Variants in NKAIN3 observed in about 807,000 individuals in gnomAD.
NKAIN3 encodes sodium/potassium transporting ATPase interacting 3, also known as sodium/potassium-transporting ATPase subunit beta-1-interacting protein 3.
A neutral mutation model predicts 30.2 loss-of-function variants in NKAIN3; 25 were observed. That is an observed-to-expected ratio of 0.83 (90% CI 0.60 to 1.16). The LOEUF (loss-of-function observed/expected upper bound fraction) is 1.16. Ranked by LOEUF, NKAIN3 falls within the 50% of genes most tolerant of loss-of-function variation. The pLI, the probability that NKAIN3 is intolerant of heterozygous loss-of-function variation, is 0.00. For missense variants in NKAIN3, 225 were observed against 254.1 expected (o/e 0.89, Z 0.78); for synonymous variants, 91 against 89.6 (o/e 1.02, Z -0.09).
intron 4 of NKAIN3, among the ~76,000 whole-genome samples, chr8:62,819,899 C>T (rs540338640): frequency 2.6e-5 from 4 of 151,826 alleles, no homozygotes; most frequent in African/African-American, 7.2e-5. Context: ...TAAAAATAAG[C>T]AAAATATAAA....
chr8:62,931,965 T>C (rs1375817351), intron 5 of NKAIN3, among the ~76,000 whole-genome samples: 1 of 152,238 alleles, frequency 6.6e-6, no homozygotes, highest in Non-Finnish European at 1.5e-5. Flanking sequence ...AAATGTTTGA[T>C]TGGCTGTATT....
chr8:62,950,801 G>T (rs927467985), intron 5 of NKAIN3, among the ~76,000 whole-genome samples: 2 of 151,998 alleles, frequency 1.3e-5, no homozygotes, highest in African/African-American at 4.8e-5. Flanking sequence ...TTTAGACTTT[G>T]TCCTACATTT....
At chr8:62,861,789 G>C (rs1166826497) in intron 4 of NKAIN3, among the ~76,000 whole-genome samples, 1 of 152,150 alleles carries the variant, frequency 6.6e-6, no homozygotes, top group African/African-American at 2.4e-5. Flanking sequence ...TTTCCTCCTT[G>C]TCAAGAGGAG....
intron 1 of NKAIN3, among the ~76,000 whole-genome samples, chr8:62,325,988 G>C (rs1015199912): frequency 7.9e-5 from 12 of 151,850 alleles, no homozygotes; most frequent in African/African-American, 2.4e-4. Flanking sequence ...TTATTTTGCT[G>C]TGAAATAGCT....
intron 4 of NKAIN3, among the ~76,000 whole-genome samples, chr8:62,836,367 C>T (rs1377995541): frequency 6.6e-6 from 1 of 152,020 alleles, no homozygotes; most frequent in Non-Finnish European, 1.5e-5. Context: ...TCAAACCCCA[C>T]ATCTAACCTA....
intron 1 of NKAIN3, among the ~76,000 whole-genome samples, chr8:62,545,324 C>T (rs1391074825): frequency 6.6e-6 from 1 of 152,230 alleles, no homozygotes; most frequent in African/African-American, 2.4e-5. Flanking sequence ...GTGGCTCATG[C>T]CTGTAATCCC....
intron 1 of NKAIN3, among the ~76,000 whole-genome samples, chr8:62,448,678 C>G (rs1805555445): frequency 6.6e-6 from 1 of 151,764 alleles, no homozygotes; most frequent in South Asian, 2.1e-4. Context: ...GACAGCAGAC[C>G]TAGAAGAGGC....
chr8:62,612,800 C>G (rs1811336424), intron 3 of NKAIN3, among the ~76,000 whole-genome samples: 1 of 151,750 alleles, frequency 6.6e-6, no homozygotes, highest in African/African-American at 2.4e-5. Flanking sequence ...TTGAGGTTGC[C>G]ATGAGGCTTG....
At chr8:62,661,421 A>G (rs1181254799) in intron 3 of NKAIN3, among the ~76,000 whole-genome samples, 4 of 152,208 alleles carry the variant, frequency 2.6e-5, no homozygotes, top group Non-Finnish European at 5.9e-5. Flanking sequence ...GCAAATAAAG[A>G]GCATTTTTTA....
At chr8:62,485,077 G>A (rs890126042) in intron 1 of NKAIN3, among the ~76,000 whole-genome samples, 1 of 152,166 alleles carries the variant, frequency 6.6e-6, no homozygotes, top group African/African-American at 2.4e-5. Context: ...ACAGAGCCCT[G>A]CCCCTCTCAG....
chr8:62,430,446 G>T lies in NKAIN3; in HGVS notation c.55-149093G>T, dbSNP rs114371382. ...TTGAGACCCTGCTTTCAATATTTTG[G>T]ATATGTATCCAGAAGTGGAATTGCT... On this transcript the variant is annotated intron_variant, in intron 1 of 6. Coordinates refer to ENST00000623646, the MANE Select transcript of NKAIN3 (RefSeq NM_001304533.3). 7.6e-3 allele frequency among the ~76,000 whole-genome samples: 1,111 copies of T among 146,272 alleles called. 17 individuals are homozygous for T. Among genetic ancestry groups the T allele is most frequent in the African/African-American group, 0.026 (1,028 of 40,108 alleles).
Position 62,965,515 on chromosome 8 carries a change from T to A in NKAIN3, c.*108T>A, listed in dbSNP as rs954940697. On this transcript the variant is annotated 3_prime_UTR_variant, in exon 7 of 7. Coordinates refer to ENST00000623646, the MANE Select transcript of NKAIN3 (RefSeq NM_001304533.3). ...CTTTCCCACGAATCATGGAGCATTTTGGTCACAGCCTTTGTATTATTAGCA... is the reference window on the plus strand; with the variant it reads ...CTTTCCCACGAATCATGGAGCATTTAGGTCACAGCCTTTGTATTATTAGCA... The A allele has an allele frequency of 8.1e-6, 8 of 985,458 alleles. No homozygotes were observed. The highest frequency in any genetic ancestry group is 1.7e-5 in the African/African-American group (1 of 57,156). 61.0% of individuals were successfully genotyped at this position (985,458 alleles called of 1,614,324 possible).
At chr8:62,402,818 C>A (rs1305046814) in intron 1 of NKAIN3, among the ~76,000 whole-genome samples, 2 of 152,142 alleles carry the variant, frequency 1.3e-5, no homozygotes, top group African/African-American at 4.8e-5. Flanking sequence ...TGGGGTGCTG[C>A]TGTAAAGATA....
intron 4 of NKAIN3, among the ~76,000 whole-genome samples, chr8:62,842,014 T>G (rs1276457524): frequency 6.6e-6 from 1 of 152,122 alleles, no homozygotes; most frequent in Non-Finnish European, 1.5e-5. Context: ...TGGGTATAAA[T>G]AGATATCTTG....
intron 3 of NKAIN3, among the ~76,000 whole-genome samples, chr8:62,692,055 T>C (rs560884037): frequency 1.3e-5 from 2 of 152,292 alleles, no homozygotes; most frequent in African/African-American, 4.8e-5. Context: ...GGCATAATCT[T>C]CCAGCAGGCC....
intron 3 of NKAIN3, among the ~76,000 whole-genome samples, chr8:62,669,456 A>G (rs920607165): frequency 1.3e-5 from 2 of 152,144 alleles, no homozygotes; most frequent in Non-Finnish European, 1.5e-5. Flanking sequence ...GGTCACTCAT[A>G]TTTGGCTCAG....
chr8:62,836,197 A>G (rs1819357768), intron 4 of NKAIN3, among the ~76,000 whole-genome samples: 1 of 152,048 alleles, frequency 6.6e-6, no homozygotes, highest in South Asian at 2.1e-4. Context: ...GGTGATCAAG[A>G]GCTGAAAATC....
intron 1 of NKAIN3, among the ~76,000 whole-genome samples, chr8:62,329,700 A>G (rs1217984058): frequency 6.6e-6 from 1 of 152,096 alleles, no homozygotes; most frequent in Non-Finnish European, 1.5e-5. Flanking sequence ...ATGATATTCC[A>G]TTGTGTATAT....
rs36075063 is a variant in NKAIN3 at position 62,278,382 on chromosome 8, GTT to G, written c.54+29266_54+29267del. Among the ~76,000 whole-genome samples the G allele has an allele frequency of 5.1e-3, 768 of 149,366 alleles. 8 individuals are homozygous for G. Among genetic ancestry groups the G allele is most frequent in the African/African-American group, 0.017 (712 of 40,808 alleles). ...ACAGGACCCAGAGATCCTACTGCTGGTTTTTTTTTTTTATACTTTAAGTTTTA... is the reference window on the plus strand; with the variant it reads ...ACAGGACCCAGAGATCCTACTGCTGGTTTTTTTTTTATACTTTAAGTTTTA... On this transcript the variant is annotated intron_variant, in intron 1 of 6. Transcript: ENST00000623646.
Sources: gnomAD v4.1 joint callset for allele counts (sites outside exome capture counted in the v4.1 genomes callset) on GRCh38, gnomAD v4.1.1 for gene constraint, MANE v1.5 for transcripts, NCBI Gene and HGNC (gene_info 2026-07-23, HGNC 2026-07-21) for gene names.